Variants in TSPAN4 observed in about 807,000 individuals in gnomAD.
The protein encoded by TSPAN4 is tetraspanin 4.
A neutral mutation model predicts 31.5 loss-of-function variants in TSPAN4; 38 were observed. That is an observed-to-expected ratio of 1.21 (90% CI 0.93 to 1.58). The LOEUF is 1.58. TSPAN4 is among the 40% of genes most tolerant of loss of function. TSPAN4 has a pLI of 0.00. For synonymous variants in TSPAN4, 186 were observed against 144.6 expected (o/e 1.29, Z -2.06); for missense variants, 330 against 317.3 (o/e 1.04, Z -0.30).
At position 856,319 on chromosome 11, in the gene TSPAN4, C is replaced by T. The variant is rs114169836; in HGVS notation, c.63+5952C>T. 8.6e-3 allele frequency among the ~76,000 whole-genome samples: 1,304 copies of T among 151,902 alleles called. 24 individuals are homozygous for T. Among genetic ancestry groups the T allele is most frequent in the African/African-American group, 0.03 (1,244 of 41,190 alleles). ...TGAGCCTGGGGCCTGGTATGCTGGA[C>T]GGACATTGGCCAGAGATGGTCTCAC... On this transcript the variant is annotated intron_variant, in intron 3 of 8. Transcript: ENST00000397397.
rs911034875 is a variant in TSPAN4 at position 844,879 on chromosome 11, T to A, written c.-118+1964T>A. Among the ~76,000 whole-genome samples the A allele has an allele frequency of 2.0e-5, 3 of 152,218 alleles. No individual in the cohort carries two copies. The South Asian group carries it at 6.2e-4, about 32-fold the overall frequency. Reference sequence around the variant, plus strand: ...AGGGCAAAGGACCAGGGGAAACCCATGATTGAAGTTTTAGCTGCTGACCCC... The same window carrying A: ...AGGGCAAAGGACCAGGGGAAACCCAAGATTGAAGTTTTAGCTGCTGACCCC... On this transcript the variant is annotated intron_variant, in intron 1 of 8. Coordinates refer to ENST00000397397, the MANE Select transcript of TSPAN4 (RefSeq NM_003271.5).
intron 3 of TSPAN4, 179 bp from the exon 4 acceptor site, chr11:862,371 G>A: frequency 1.7e-6 from 1 of 581,958 alleles, no homozygotes; most frequent in African/African-American, 1.9e-5. Context: ...TGTCGGGAAA[G>A]ACTGGCCTGC....
At position 865,252 on chromosome 11, in the gene TSPAN4, C is replaced by T. The variant is rs929667756; in HGVS notation, c.331-261C>T. On this transcript the variant is annotated intron_variant, in intron 5 of 8. Coordinates refer to ENST00000397397, the MANE Select transcript of TSPAN4 (RefSeq NM_003271.5). ...CTGCACGTGTCCCGATACGTGGAGG[C>T]ACCTGTGTCCCTGTCCTCTGTCCCC... The T allele has an allele frequency of 9.7e-6, 5 of 513,006 alleles. No individual in the cohort carries two copies. In the Admixed American group the frequency reaches 1.4e-4, roughly 15 times the overall value. 31.8% of individuals were successfully genotyped at this position (513,006 alleles called of 1,614,324 possible). A position where few individuals can be genotyped will look rare whatever the true frequency, so the allele number is the denominator to read the frequency against.
rs1218479031 is a variant in TSPAN4 at position 865,589 on chromosome 11, AC to A, written c.408del (p.Asn136LysfsTer59). The part of the protein sequence containing the change: ...YGTQGNVGLT[N>X]AWSIIQTDFR... ...ACGCAGGGCAACGTGGGCCTCACCA[AC>A]GCCTGGAGCATCATCCAGACCGACG... On this transcript the variant is annotated frameshift_variant, in exon 6 of 9. Coordinates refer to ENST00000397397, the MANE Select transcript of TSPAN4 (RefSeq NM_003271.5). LOFTEE classifies it high-confidence loss of function. The A allele has an allele frequency of 1.2e-6, 2 of 1,612,882 alleles. No homozygotes were observed. The highest frequency in any genetic ancestry group is 1.7e-6 in the Non-Finnish European group (2 of 1,179,872).
intron 3 of TSPAN4, chr11:862,211 A>G (rs1350547153): frequency 3.1e-6 from 1 of 320,532 alleles, no homozygotes; most frequent in African/African-American, 2.2e-5. Flanking sequence ...GGGTGTGCAG[A>G]CTGCGTCCTG....
chr11:843,109 C>T (rs1847061462), intron 1 of TSPAN4, 194 bp downstream of exon 1: 1 of 151,974 alleles, frequency 6.6e-6, no homozygotes, highest in Non-Finnish European at 1.5e-5. Flanking sequence ...CTTCCTGCCG[C>T]CCCTCCTGGC....
In TSPAN4 at chr11:850,322, CCAG is replaced by C; in HGVS notation, c.19_21del (p.Gln7del). 3 of 1,608,470 alleles carry C rather than the reference CCAG, an allele frequency of 1.9e-6. No individual in the cohort carries two copies. Among genetic ancestry groups the C allele is most frequent in the Non-Finnish European group, 2.5e-6 (3 of 1,179,218 alleles). On this transcript the variant is annotated inframe_deletion, in exon 3 of 9. Coordinates refer to ENST00000397397, the MANE Select transcript of TSPAN4 (RefSeq NM_003271.5). Reference sequence around the variant, plus strand: ...GCTGCGGCATGGCGCGCGCCTGCCTCCAGGCCGTCAAGTACCTCATGTTCGCCT... The same window carrying C: ...GCTGCGGCATGGCGCGCGCCTGCCTCGCCGTCAAGTACCTCATGTTCGCCT...
At chr11:851,514 A>T (rs1372354742) in intron 3 of TSPAN4, among the ~76,000 whole-genome samples, 1 of 152,080 alleles carries the variant, frequency 6.6e-6, no homozygotes, top group African/African-American at 2.4e-5. Flanking sequence ...CTTGGGGTGG[A>T]GGCAGGGGGG....
At chr11:844,457 C>T (rs2133977274) in intron 1 of TSPAN4, 1 of 152,446 alleles carries the variant, frequency 6.6e-6, no homozygotes, top group African/African-American at 2.4e-5. Context: ...CTGCCCCAGC[C>T]TCAGGCTCTG....
intron 2 of TSPAN4, chr11:850,055 C>G (rs1405927244): frequency 3.1e-5 from 10 of 325,562 alleles, no homozygotes. Context: ...CGGACGAGTC[C>G]ACGTACCGGC....
At chr11:857,689 C>A (rs1389391528) in intron 3 of TSPAN4, 1 of 152,292 alleles carries the variant, frequency 6.6e-6, no homozygotes, top group Non-Finnish European at 1.5e-5. Context: ...AGGTGTGAGC[C>A]ACCACGCCCG....
chr11:850,049 C>G (rs1321823217), intron 2 of TSPAN4: 1 of 294,806 alleles, frequency 3.4e-6, no homozygotes, highest in East Asian at 5.8e-5. Flanking sequence ...CCAGCACGGA[C>G]GAGTCCACGT....
Position 850,277 on chromosome 11 carries a change from C to G in TSPAN4, c.-17-11C>G. ...TTTTCTACCTGGACCTCTCCTTCAT[C>G]TTCCTCCTAGAACTGAAGCGCTGCG... On this transcript the variant is annotated splice_polypyrimidine_tract_variant and intron_variant, in intron 2 of 8. Coordinates refer to ENST00000397397, the MANE Select transcript of TSPAN4 (RefSeq NM_003271.5). 6.2e-7 allele frequency: 1 copy of G among 1,600,900 alleles called. No individual in the cohort carries two copies. Among genetic ancestry groups the G allele is most frequent in the Non-Finnish European group, 8.5e-7 (1 of 1,174,076 alleles).
intron 3 of TSPAN4, among the ~76,000 whole-genome samples, chr11:858,935 C>A (rs1848236587): frequency 7.1e-6 from 1 of 140,436 alleles, no homozygotes; most frequent in African/African-American, 2.7e-5. Flanking sequence ...CACCCCCGGG[C>A]TCACACCCCC....
Position 865,842 on chromosome 11 carries a change from C to A in TSPAN4, c.564+17C>A, listed in dbSNP as rs1004418336. 2 of 1,612,198 alleles carry A rather than the reference C, an allele frequency of 1.2e-6. No homozygotes were observed. The highest frequency in any genetic ancestry group is 1.7e-6 in the Non-Finnish European group (2 of 1,179,672). Reference sequence around the variant, plus strand: ...TGGAAGGCGGTGAGTGAGACCCCCACCCTGGGGGCTGGTAGGGGCCTAGAG... The same window carrying A: ...TGGAAGGCGGTGAGTGAGACCCCCAACCTGGGGGCTGGTAGGGGCCTAGAG... On this transcript the variant is annotated intron_variant, in intron 7 of 8. Transcript: ENST00000397397.
At chr11:849,476 C>A (rs1847502762) in intron 2 of TSPAN4, among the ~76,000 whole-genome samples, 2 of 152,256 alleles carry the variant, frequency 1.3e-5, no homozygotes, top group South Asian at 4.1e-4. Flanking sequence ...CCAAGCCCGG[C>A]CCGGGGCCAG....
chr11:854,717 G>A lies in TSPAN4; in HGVS notation c.63+4350G>A, dbSNP rs930752987. Among the ~76,000 whole-genome samples, 11 of 57,146 alleles carry A rather than the reference G, an allele frequency of 1.9e-4. No individual in the cohort carries two copies. The Admixed American group carries it at 2.1e-3, about 11-fold the overall frequency. The allele number at this position is 57,146 out of a possible 152,430, so 37.5% of individuals were successfully genotyped here. On this transcript the variant is annotated intron_variant, in intron 3 of 8. Transcript: ENST00000397397. ...TGAGGCCTCTGCTCTAAGATCAGCA[G>A]TGAGCCTGGTGGAGGGGGTGCAGTG...
chr11:866,106 G>T, intron 8 of TSPAN4, 105 bp downstream of exon 8: 1 of 1,258,936 alleles, frequency 7.9e-7, no homozygotes. Context: ...CCACGATCGG[G>T]GGAGGCCGGG....
Position 859,434 on chromosome 11 carries a change from CGG to C in TSPAN4, c.64-3115_64-3114del, listed in dbSNP as rs1473322238. On this transcript the variant is annotated intron_variant, in intron 3 of 8. Transcript: ENST00000397397. Reference sequence around the variant, plus strand: ...CACGCACCCCCTCTCACACGCACCCCGGCTCACACGCACCCCCCTCACACGCA... The same window carrying C: ...CACGCACCCCCTCTCACACGCACCCCCTCACACGCACCCCCCTCACACGCA... The C allele has an allele frequency of 2.2e-3, 68 of 30,840 alleles. 12 individuals are homozygous for C. Among genetic ancestry groups the C allele is most frequent in the South Asian group, 2.9e-3 (1 of 344 alleles). The allele number at this position is 30,840 out of a possible 1,614,324, so 1.9% of individuals were successfully genotyped here.
Sources: allele counts gnomAD v4.1 joint callset (sites outside exome capture counted in the v4.1 genomes callset), GRCh38; gene constraint gnomAD v4.1.1; transcripts MANE v1.5; gene names NCBI Gene and HGNC (gene_info 2026-07-23, HGNC 2026-07-21).